WIPF1: variants seen among roughly 807,000 people sequenced by gnomAD.
WIPF1 encodes WAS/WASL-interacting protein family member 1.
WIPF1 carries 13 observed loss-of-function variants against 35.4 expected under a neutral mutation model. The ratio of observed to expected loss-of-function variants is 0.37; its 90% CI spans 0.24 to 0.58. The LOEUF is 0.58. Ranked by LOEUF, WIPF1 falls within the 20% of genes least tolerant of loss-of-function variation. WIPF1 has a pLI of 0.74. For synonymous variants in WIPF1, 267 were observed against 266.3 expected, an observed-to-expected ratio of 1.00 and a Z score of -0.02; for missense variants, 591 against 667.0, an observed-to-expected ratio of 0.89 and a Z score of 1.25.
At chr2:174,604,404 A>C (rs1686094373) in intron 1 of WIPF1, among the ~76,000 whole-genome samples, 1 of 152,224 alleles carries the variant, frequency 6.6e-6, no homozygotes, top group Non-Finnish European at 1.5e-5. Context: ...CTTACACACA[A>C]AGTCAATGCT....
chr2:174,662,778 CTGCT>C (rs1687806242), intron 1 of WIPF1, among the ~76,000 whole-genome samples: 1 of 152,142 alleles, frequency 6.6e-6, no homozygotes, highest in African/African-American at 2.4e-5. Context: ...AATGTGGTCC[CTGCT>C]AAGAGTCTTT....
intron 1 of WIPF1, among the ~76,000 whole-genome samples, chr2:174,631,692 T>A (rs1239754603): frequency 6.6e-6 from 1 of 152,212 alleles, no homozygotes; most frequent in Non-Finnish European, 1.5e-5. Context: ...ACCTTACAAA[T>A]GTCCGGGAAC....
At chr2:174,649,899 AC>A (rs1489546316) in intron 1 of WIPF1, among the ~76,000 whole-genome samples, 3 of 152,324 alleles carry the variant, frequency 2.0e-5, no homozygotes, top group African/African-American at 7.2e-5. Flanking sequence ...ACCAGGTAAG[AC>A]TTTATCTCCA....
rs368758826 is a variant in WIPF1, at chr2:174,674,614, A to G, written c.-39+8160T>C. 2.2e-3 allele frequency among the ~76,000 whole-genome samples: 332 copies of G among 152,336 alleles called. 3 individuals carry two copies. The highest frequency in any genetic ancestry group is 7.6e-3 in the African/African-American group (314 of 41,578). ...AAATCATATGTATTATGATTAAGAAATTACAAAATTAAGCAAAAGACAGGT... is the reference window on the plus strand; with the variant it reads ...AAATCATATGTATTATGATTAAGAAGTTACAAAATTAAGCAAAAGACAGGT... On this transcript the variant is annotated intron_variant, in intron 1 of 8. Coordinates refer to the WIPF1 transcript ENST00000272746.
At position 174,562,565 on chromosome 2, in the gene WIPF1, G is replaced by C; in HGVS notation, c.1494C>G (p.Leu498=). The change falls in exon 8 of 8, where the codon CTC becomes CTG. Residue 498 remains leucine, a synonymous_variant. Coordinates refer to ENST00000679041, the MANE Select transcript of WIPF1 (RefSeq NM_001375834.1). ...GCAAAGATCACCTCGGGATGGGAGGGAGTGGTGGAGCACCCCTTTCTCTTC... is the reference window on the plus strand; with the variant it reads ...GCAAAGATCACCTCGGGATGGGAGGCAGTGGTGGAGCACCCCTTTCTCTTC... ...SNRRERGAPP[L]PPIPR The C allele has an allele frequency of 1.2e-6, 2 of 1,614,192 alleles. No homozygotes were observed. The highest frequency in any genetic ancestry group is 8.5e-7 in the Non-Finnish European group (1 of 1,180,036).
At chr2:174,672,677 C>T (rs779162355) in intron 1 of WIPF1, among the ~76,000 whole-genome samples, 5 of 152,156 alleles carry the variant, frequency 3.3e-5, no homozygotes, top group African/African-American at 7.2e-5. Context: ...ATGGACCTTA[C>T]GTGGAGATGT....
At chr2:174,587,832 A>G (rs1459591639) in intron 1 of WIPF1, 1 of 152,154 alleles carries the variant, frequency 6.6e-6, no homozygotes, top group Non-Finnish European at 1.5e-5. Flanking sequence ...TGCCCTTTTA[A>G]TGGTCTGATA....
At chr2:174,602,326 A>G (rs1245830900), upstream of WIPF1, among the ~76,000 whole-genome samples, 3 of 152,238 alleles carry the variant, frequency 2.0e-5, no homozygotes, top group East Asian at 5.8e-4. Flanking sequence ...CCCAGTCAAC[A>G]TGGACTGAAT....
intron 1 of WIPF1, among the ~76,000 whole-genome samples, chr2:174,680,366 A>G (rs1688221867): frequency 6.6e-6 from 1 of 152,188 alleles, no homozygotes. Flanking sequence ...GCCTTCAAGA[A>G]CCATGGTATA....
At position 174,559,887 on chromosome 2, in the gene WIPF1, C is replaced by G. The variant is rs1452125919; in HGVS notation, c.*2660G>C. The G allele has an allele frequency of 6.6e-6, 1 of 152,520 alleles. No individual in the cohort carries two copies. Among genetic ancestry groups the G allele is most frequent in the Non-Finnish European group, 1.5e-5 (1 of 67,984 alleles). The allele number at this position is 152,520 out of a possible 1,614,324, so 9.4% of individuals were successfully genotyped here. On this transcript the variant is annotated 3_prime_UTR_variant, in exon 8 of 8. Transcript: ENST00000679041. ...TTACAAATATGCAAATAATCTACTA[C>G]TTAGACATAAAAAAAAGTTGATTTC...
chr2:174,639,734 T>G (rs1276484544), intron 1 of WIPF1, among the ~76,000 whole-genome samples: 1 of 152,234 alleles, frequency 6.6e-6, no homozygotes, highest in Non-Finnish European at 1.5e-5. Context: ...CATTTGTCTA[T>G]TTTGGCTTTG....
chr2:174,602,660 C>A (rs1686045800), upstream of WIPF1, among the ~76,000 whole-genome samples: 1 of 152,198 alleles, frequency 6.6e-6, no homozygotes, highest in African/African-American at 2.4e-5. Flanking sequence ...ATCCTCTCCA[C>A]CACATAATTA....
chr2:174,647,212 ATTTTTT>A (rs778959094), intron 1 of WIPF1, among the ~76,000 whole-genome samples: 1 of 143,134 alleles, frequency 7.0e-6, no homozygotes. Flanking sequence ...TCTCCAAAAC[ATTTTTT>A]TTTTTTTTAA....
chr2:174,589,914 G>A (rs12469144), intron 1 of WIPF1, among the ~76,000 whole-genome samples: 46,304 of 152,072 alleles, frequency 0.3, 7,382 homozygotes, highest in Non-Finnish European at 0.35. Flanking sequence ...GCATTTAAAC[G>A]TAGACACAAA....
chr2:174,637,856 A>G (rs958934502), intron 1 of WIPF1, among the ~76,000 whole-genome samples: 3 of 152,226 alleles, frequency 2.0e-5, no homozygotes, highest in Non-Finnish European at 2.9e-5. Flanking sequence ...GCTTAATCCC[A>G]AGATGCATGG....
intron 1 of WIPF1, among the ~76,000 whole-genome samples, chr2:174,589,296 G>A (rs1394315264): frequency 6.6e-6 from 1 of 152,210 alleles, no homozygotes; most frequent in Non-Finnish European, 1.5e-5. Flanking sequence ...CAAACAAGCC[G>A]AGTGCTTGCC....
At chr2:174,636,047 A>G (rs1687175852) in intron 1 of WIPF1, among the ~76,000 whole-genome samples, 1 of 152,266 alleles carries the variant, frequency 6.6e-6, no homozygotes. Flanking sequence ...TCCAAGCTAT[A>G]GTAGACATGG....
chr2:174,619,550 A>G (rs1686612948), intron 1 of WIPF1, among the ~76,000 whole-genome samples: 1 of 152,232 alleles, frequency 6.6e-6, no homozygotes. Flanking sequence ...TAAATTATAG[A>G]AACAGAAGTA....
chr2:174,603,881 A>G (rs1686079489), intron 1 of WIPF1, among the ~76,000 whole-genome samples: 1 of 152,232 alleles, frequency 6.6e-6, no homozygotes, highest in South Asian at 2.1e-4. Context: ...ATCCCAAAAG[A>G]TCAAAATCCT....
Sources: gnomAD v4.1 joint callset for allele counts (sites outside exome capture counted in the v4.1 genomes callset) on GRCh38, gnomAD v4.1.1 for gene constraint, MANE v1.5 for transcripts, NCBI Gene and HGNC (gene_info 2026-07-23, HGNC 2026-07-21) for gene names.